Variants in CNTNAP2 observed in about 807,000 individuals in gnomAD.
CNTNAP2 encodes the protein contactin-associated protein-like 2.
A neutral mutation model predicts 155.2 loss-of-function variants in CNTNAP2; 98 were observed. That is an observed-to-expected ratio of 0.63 (90% CI 0.54 to 0.75). The LOEUF (loss-of-function observed/expected upper bound fraction) is 0.75, where lower values mean the gene tolerates loss of function less well. Among genes scored for constraint, CNTNAP2 ranks in the 30% least tolerant of loss-of-function variants. The pLI, the probability that CNTNAP2 is intolerant of heterozygous loss-of-function variation, is 0.00. For missense variants in CNTNAP2, 1,727 were observed against 1,688.1 expected (o/e 1.02, Z -0.40); for synonymous variants, 651 against 631.2 (o/e 1.03, Z -0.47).
intron 1 of CNTNAP2, among the ~76,000 whole-genome samples, chr7:146,225,100 A>T (rs1451211679): frequency 6.6e-6 from 1 of 152,194 alleles, no homozygotes; most frequent in Non-Finnish European, 1.5e-5. Context: ...GGGCACTTTG[A>T]ATACAGAGAG....
chr7:146,456,655 C>G (rs1488499167), intron 1 of CNTNAP2, among the ~76,000 whole-genome samples: 2 of 152,150 alleles, frequency 1.3e-5, no homozygotes, highest in South Asian at 2.1e-4. Flanking sequence ...TTCCCAAGTT[C>G]TCCTTAAGGC....
chr7:148,355,613 G>A (rs541973722), intron 21 of CNTNAP2, among the ~76,000 whole-genome samples: 1 of 152,214 alleles, frequency 6.6e-6, no homozygotes, highest in Non-Finnish European at 1.5e-5. Context: ...TATGACCTAG[G>A]TCAGAATGGC....
At chr7:147,623,670 G>A (rs539230465) in intron 12 of CNTNAP2, among the ~76,000 whole-genome samples, 39 of 151,774 alleles carry the variant, frequency 2.6e-4, no homozygotes, top group Admixed American at 4.6e-4. Context: ...TAAAATGTCC[G>A]TCCTTCCCAA....
At chr7:146,910,237 AT>A (rs899919100) in intron 3 of CNTNAP2, among the ~76,000 whole-genome samples, 3 of 146,822 alleles carry the variant, frequency 2.0e-5, no homozygotes, top group African/African-American at 5.1e-5. Context: ...GCCCAAGGTA[AT>A]TTACAGATTC....
At chr7:147,866,721 T>A (rs1799235362) in intron 13 of CNTNAP2, among the ~76,000 whole-genome samples, 2 of 151,728 alleles carry the variant, frequency 1.3e-5, no homozygotes, top group African/African-American at 4.9e-5. Flanking sequence ...TTAAAGTCTG[T>A]TTTATCAGAG....
intron 13 of CNTNAP2, among the ~76,000 whole-genome samples, chr7:147,680,812 A>G (rs1323979220): frequency 6.6e-6 from 1 of 151,566 alleles, no homozygotes; most frequent in Non-Finnish European, 1.5e-5. Context: ...AATAAATAGT[A>G]TGTATAATAA....
intron 8 of CNTNAP2, among the ~76,000 whole-genome samples, chr7:147,263,713 G>A (rs182974194): frequency 1.1e-3 from 173 of 152,290 alleles, no homozygotes; most frequent in Admixed American, 2.0e-3. Context: ...GAGGGGTCAC[G>A]TGGTCCTATA....
intron 1 of CNTNAP2, among the ~76,000 whole-genome samples, chr7:146,695,199 TATG>T (rs1223620887): frequency 6.6e-6 from 1 of 152,182 alleles, no homozygotes; most frequent in East Asian, 1.9e-4. Flanking sequence ...CACTGTTTGC[TATG>T]ATATTAACTA....
intron 8 of CNTNAP2, among the ~76,000 whole-genome samples, chr7:147,177,302 A>C (rs758671199): frequency 9.2e-5 from 14 of 152,126 alleles, no homozygotes; most frequent in South Asian, 2.1e-4. Flanking sequence ...AAATGATGGG[A>C]GCGGTTTCCC....
At chr7:146,666,053 A>G (rs902696928) in intron 1 of CNTNAP2, among the ~76,000 whole-genome samples, 1 of 151,990 alleles carries the variant, frequency 6.6e-6, no homozygotes, top group East Asian at 1.9e-4. Flanking sequence ...ATTATTAACT[A>G]TAATCATCCT....
chr7:146,637,663 T>A (rs2129160274), intron 1 of CNTNAP2, among the ~76,000 whole-genome samples: 1 of 152,278 alleles, frequency 6.6e-6, no homozygotes, highest in Admixed American at 6.5e-5. Flanking sequence ...AGGACCAGTT[T>A]TGAAGTTGAA....
At chr7:147,986,722 C>A (rs1801623361) in intron 15 of CNTNAP2, among the ~76,000 whole-genome samples, 1 of 152,124 alleles carries the variant, frequency 6.6e-6, no homozygotes, top group Non-Finnish European at 1.5e-5. Flanking sequence ...TGGGTCTCTG[C>A]CTATCAACAG....
At chr7:146,847,521 G>A (rs972084018) in intron 3 of CNTNAP2, among the ~76,000 whole-genome samples, 3 of 152,124 alleles carry the variant, frequency 2.0e-5, no homozygotes, top group African/African-American at 2.4e-5. Flanking sequence ...GTCAAACAAA[G>A]GGTTTAGAGC....
At chr7:147,995,999 G>A (rs966938709) in intron 15 of CNTNAP2, among the ~76,000 whole-genome samples, 2 of 152,170 alleles carry the variant, frequency 1.3e-5, no homozygotes, top group Non-Finnish European at 2.9e-5. Context: ...TTTTAAAAGA[G>A]AGACAATAAA....
At chr7:146,396,697 A>C (rs2129107395) in intron 1 of CNTNAP2, among the ~76,000 whole-genome samples, 1 of 144,974 alleles carries the variant, frequency 6.9e-6, no homozygotes. Flanking sequence ...GTTTTGGAGA[A>C]TATTTATATA....
chr7:148,226,006 TTG>T (rs1409011480), intron 19 of CNTNAP2, among the ~76,000 whole-genome samples: 1 of 152,124 alleles, frequency 6.6e-6, no homozygotes, highest in Non-Finnish European at 1.5e-5. Flanking sequence ...AGTAGACAGT[TTG>T]TGAAAGAGTC....
chr7:147,249,920 G>A (rs1804156712), intron 8 of CNTNAP2, among the ~76,000 whole-genome samples: 1 of 152,112 alleles, frequency 6.6e-6, no homozygotes, highest in Admixed American at 6.6e-5. Context: ...GCCTAAATCA[G>A]CCTGTGGATT....
intron 4 of CNTNAP2, among the ~76,000 whole-genome samples, chr7:147,084,922 C>G (rs957712307): frequency 6.6e-6 from 1 of 151,160 alleles, no homozygotes; most frequent in Non-Finnish European, 1.5e-5. Context: ...TTAGTCATAT[C>G]ATTTAATATC....
intron 1 of CNTNAP2, among the ~76,000 whole-genome samples, chr7:146,222,444 A>G (rs1011813084): frequency 6.6e-5 from 10 of 152,062 alleles, no homozygotes; most frequent in African/African-American, 2.4e-4. Flanking sequence ...AAAAAGATGG[A>G]ATTCCTGGTA....
Sources: allele counts gnomAD v4.1 joint callset (sites outside exome capture counted in the v4.1 genomes callset), GRCh38; gene constraint gnomAD v4.1.1; transcripts MANE v1.5; gene names NCBI Gene and HGNC (gene_info 2026-07-23, HGNC 2026-07-21).